Variants in MYBPC1 observed in about 807,000 individuals in gnomAD.
MYBPC1 encodes the protein myosin binding protein C1.
In MYBPC1, 52 loss-of-function variants were observed where a neutral mutation model predicts 147.1. The observed-to-expected ratio is 0.35, with a 90% CI of 0.28 to 0.45. The LOEUF (loss-of-function observed/expected upper bound fraction) is 0.45. MYBPC1 is among the 20% of genes least tolerant of loss of function. The pLI, the probability that MYBPC1 is intolerant of heterozygous loss-of-function variation, is 1.00. For missense variants in MYBPC1, 1,228 were observed against 1,440.3 expected (o/e 0.85, Z 2.39); for synonymous variants, 477 against 475.9 (o/e 1.00, Z -0.03).
At chr12:101,658,847 A>G (rs769623659) in intron 18 of MYBPC1, among the ~76,000 whole-genome samples, 7 of 152,196 alleles carry the variant, frequency 4.6e-5, no homozygotes, top group Non-Finnish European at 8.8e-5. Flanking sequence ...ATGAGTCCTG[A>G]TACAGACACA....
chr12:101,638,405 G>C (rs1006650729), intron 10 of MYBPC1, among the ~76,000 whole-genome samples: 1 of 152,118 alleles, frequency 6.6e-6, no homozygotes, highest in Non-Finnish European at 1.5e-5. Flanking sequence ...ATGTGACTTT[G>C]GTCAAATATT....
intron 3 of MYBPC1, among the ~76,000 whole-genome samples, chr12:101,626,363 A>G (rs1402944559): frequency 6.6e-6 from 1 of 152,220 alleles, no homozygotes; most frequent in Non-Finnish European, 1.5e-5. Context: ...TATAAAGTTT[A>G]TATTAACTTA....
intron 13 of MYBPC1, 113 bp downstream of exon 13, chr12:101,647,000 T>A: frequency 7.4e-7 from 1 of 1,346,906 alleles, no homozygotes; most frequent in South Asian, 1.2e-5. Flanking sequence ...CTATTATGGA[T>A]CCTAATGAGT....
At chr12:101,666,894 TACACACACAC>T (rs1201276523) in intron 22 of MYBPC1, 3 of 313,756 alleles carry the variant, frequency 9.6e-6, no homozygotes, top group African/African-American at 4.8e-5. Context: ...ATCACATACA[TACACACACAC>T]ACACACACAC....
intron 1 of MYBPC1, among the ~76,000 whole-genome samples, chr12:101,601,968 C>T (rs938847311): frequency 1.3e-5 from 2 of 152,128 alleles, no homozygotes; most frequent in African/African-American, 4.8e-5. Context: ...GTTATGCACA[C>T]AGTATGTGTC....
intron 22 of MYBPC1, chr12:101,664,720 T>C (rs1211264056): frequency 1.3e-5 from 2 of 152,202 alleles, no homozygotes; most frequent in Non-Finnish European, 2.9e-5. Context: ...TCAATCCCTC[T>C]TGCACCTACT....
chr12:101,598,405 T>C (rs1878353835), intron 1 of MYBPC1, among the ~76,000 whole-genome samples: 1 of 152,174 alleles, frequency 6.6e-6, no homozygotes, highest in African/African-American at 2.4e-5. Flanking sequence ...CAATAGCCTT[T>C]CTTCCGTGGC....
intron 2 of MYBPC1, 84 bp from the exon 3 acceptor site, chr12:101,617,118 C>A: frequency 8.0e-7 from 1 of 1,254,002 alleles, no homozygotes; most frequent in Non-Finnish European, 1.2e-6. Flanking sequence ...TTTATTTCTT[C>A]CCTCCCCCTC....
intron 6 of MYBPC1, among the ~76,000 whole-genome samples, chr12:101,630,876 T>C (rs1272251801): frequency 6.6e-6 from 1 of 152,208 alleles, no homozygotes; most frequent in Non-Finnish European, 1.5e-5. Flanking sequence ...TTGACACTTA[T>C]CAATATTATG....
chr12:101,616,963 G>A (rs987622649), intron 2 of MYBPC1, among the ~76,000 whole-genome samples: 1 of 152,112 alleles, frequency 6.6e-6, no homozygotes, highest in Non-Finnish European at 1.5e-5. Context: ...TCTGTATTGA[G>A]TGTTCTTATG....
intron 2 of MYBPC1, among the ~76,000 whole-genome samples, chr12:101,615,839 T>C (rs1885882372): frequency 6.6e-6 from 1 of 152,036 alleles, no homozygotes; most frequent in Admixed American, 6.6e-5. Context: ...TATGAGGCAA[T>C]TATAAAGCTC....
chr12:101,647,028 A>G, intron 13 of MYBPC1, 141 bp downstream of exon 13: 1 of 1,102,946 alleles, frequency 9.1e-7, no homozygotes, highest in East Asian at 2.4e-5. Flanking sequence ...TTTGTTGAAG[A>G]CTAGAACAGC....
Position 101,685,679 on chromosome 12 carries a change from C to T in MYBPC1, c.*117C>T. ...TACACTCAAGCAATCCTGAGGAATA[C>T]TGAGGGAGGGCCTGGCTACTGTCTC... On this transcript the variant is annotated 3_prime_UTR_variant, in exon 32 of 32. Transcript: ENST00000361466. 2 of 1,513,980 alleles carry T rather than the reference C, an allele frequency of 1.3e-6. No individual in the cohort carries two copies. The highest frequency in any genetic ancestry group is 1.8e-6 in the Non-Finnish European group (2 of 1,127,322). The allele number at this position is 1,513,980 out of a possible 1,614,324, so 93.8% of individuals were successfully genotyped here. A position where few individuals can be genotyped will look rare whatever the true frequency, so the allele number is the denominator to read the frequency against.
At chr12:101,682,429 G>T (rs1033298617) in intron 29 of MYBPC1, among the ~76,000 whole-genome samples, 175 bp from the exon 30 acceptor site, 2 of 152,138 alleles carry the variant, frequency 1.3e-5, no homozygotes, top group African/African-American at 4.8e-5. Flanking sequence ...TCGTAATAAA[G>T]TATCAATTGT....
At chr12:101,606,662 A>G (rs543855755) in intron 1 of MYBPC1, among the ~76,000 whole-genome samples, 1 of 152,258 alleles carries the variant, frequency 6.6e-6, no homozygotes, top group East Asian at 1.9e-4. Flanking sequence ...ATCCAGACCC[A>G]TAATGCCTAT....
chr12:101,597,069 A>G (rs920948225), intron 1 of MYBPC1, among the ~76,000 whole-genome samples: 5 of 152,194 alleles, frequency 3.3e-5, no homozygotes. Flanking sequence ...TTAGTGAAAT[A>G]ATTGCATTTT....
intron 10 of MYBPC1, among the ~76,000 whole-genome samples, chr12:101,638,916 G>T (rs1891491224): frequency 6.6e-6 from 1 of 152,074 alleles, no homozygotes; most frequent in Admixed American, 6.5e-5. Context: ...TATAACTTTA[G>T]AAATCATTGT....
intron 14 of MYBPC1, among the ~76,000 whole-genome samples, chr12:101,648,458 T>C (rs771127064): frequency 8.5e-5 from 13 of 152,234 alleles, no homozygotes; most frequent in South Asian, 2.1e-4. Context: ...TTAACCTTTA[T>C]AGCAGGCTTC....
chr12:101,604,814 A>G (rs9989024), intron 1 of MYBPC1, among the ~76,000 whole-genome samples: 4 of 152,184 alleles, frequency 2.6e-5, no homozygotes, highest in African/African-American at 9.7e-5. Context: ...TCAGCATATG[A>G]AACTGTTCCC....
Sources: gnomAD v4.1 joint callset for allele counts (sites outside exome capture counted in the v4.1 genomes callset) on GRCh38, gnomAD v4.1.1 for gene constraint, MANE v1.5 for transcripts, NCBI Gene and HGNC (gene_info 2026-07-23, HGNC 2026-07-21) for gene names.